The following BAZ2B variants were observed in gnomAD, a reference collection of about 807,000 sequenced individuals.
BAZ2B encodes the protein bromodomain adjacent to zinc finger domain protein 2B.
Under a neutral mutation model 246.0 loss-of-function variants are expected in BAZ2B, and 91 were observed. The ratio of observed to expected loss-of-function variants is 0.37; its 90% CI spans 0.31 to 0.44. BAZ2B has a LOEUF of 0.44. BAZ2B is among the 20% of genes least tolerant of loss of function. The probability of loss-of-function intolerance (pLI) is 1.00; values close to 1 mark genes in which losing one functional copy is unlikely to be tolerated. For synonymous variants in BAZ2B, 855 were observed against 860.0 expected, an observed-to-expected ratio of 0.99 and a Z score of 0.10; for missense variants, 2,332 against 2,533.7, an observed-to-expected ratio of 0.92 and a Z score of 1.71.
rs189530873 is a variant in BAZ2B, at chr2:159,474,194, T to C, written c.145+4381A>G. On this transcript the variant is annotated intron_variant, in intron 3 of 36. Transcript: ENST00000392783. ...CCACTGTTACTGTGTGGGAGTCTAA[T>C]TCTCTTTGCAGGTCTCTAAGAACTT... Among the ~76,000 whole-genome samples, 128 of 152,284 alleles carry C rather than the reference T, an allele frequency of 8.4e-4. 1 individual carries two copies. The highest frequency in any genetic ancestry group is 1.6e-3 in the Non-Finnish European group (108 of 68,000).
At chr2:159,620,106 G>A (rs1696370060), upstream of BAZ2B, among the ~76,000 whole-genome samples, 1 of 152,190 alleles carries the variant, frequency 6.6e-6, no homozygotes, top group African/African-American at 2.4e-5. Context: ...GACAAAGACA[G>A]AACTTCTTAA....
the BAZ2B span, among the ~76,000 whole-genome samples, chr2:159,700,600 C>A: frequency 5.3e-5 from 8 of 152,144 alleles, no homozygotes; most frequent in African/African-American, 1.2e-4. Context: ...TGCGTGCCAC[C>A]ACGCCTGGCT....
chr2:159,345,464 G>T (rs2067628465), intron 31 of BAZ2B, among the ~76,000 whole-genome samples: 1 of 152,058 alleles, frequency 6.6e-6, no homozygotes, highest in Non-Finnish European at 1.5e-5. Context: ...TATCATTTAT[G>T]ATTTTAAAAC....
intron 3 of BAZ2B, among the ~76,000 whole-genome samples, chr2:159,473,153 C>T (rs1012977630): frequency 6.6e-6 from 1 of 152,086 alleles, no homozygotes; most frequent in Non-Finnish European, 1.5e-5. Context: ...GTTACTGGCT[C>T]CTCTTTGTAC....
chr2:159,494,069 C>T (rs1454916076), intron 2 of BAZ2B, among the ~76,000 whole-genome samples: 2 of 152,090 alleles, frequency 1.3e-5, no homozygotes, highest in Non-Finnish European at 2.9e-5. Flanking sequence ...TTTATACTAG[C>T]ACTTGCATTA....
intron 6 of BAZ2B, among the ~76,000 whole-genome samples, chr2:159,446,270 C>T (rs1319381300): frequency 2.0e-5 from 3 of 152,314 alleles, no homozygotes; most frequent in Admixed American, 6.5e-5. Context: ...AAATTGATAA[C>T]TTGCAAAGTT....
At chr2:159,404,935 T>A in intron 15 of BAZ2B, 25 bp from the exon 16 acceptor site, 2 of 1,612,516 alleles carry the variant, frequency 1.2e-6, no homozygotes, top group Non-Finnish European at 1.7e-6. Context: ...AGGATAGATA[T>A]CATCAAAAAG....
chr2:159,577,163 G>A (rs562563130), intron 1 of BAZ2B, among the ~76,000 whole-genome samples: 1 of 152,256 alleles, frequency 6.6e-6, no homozygotes, highest in African/African-American at 2.4e-5. Context: ...AGGGGGTCAA[G>A]GCTGCAGTGA....
chr2:159,446,917 A>G lies in BAZ2B; in HGVS notation c.561T>C (p.Ser187=). ...NTSSVIGINT[S]VLSTTASSSM... ...AACTTGAAGCAGTAGTGGATAGTAC[A>G]GATGTGTTGATACCAATTACAGATG... The change falls in exon 6 of 37, where the codon TCT becomes TCC. Residue 187 remains serine, a synonymous_variant. Transcript: ENST00000392783. The G allele has an allele frequency of 6.2e-7, 1 of 1,609,014 alleles. No individual in the cohort carries two copies. Among genetic ancestry groups the G allele is most frequent in the South Asian group, 1.1e-5 (1 of 89,914 alleles).
intron 27 of BAZ2B, among the ~76,000 whole-genome samples, chr2:159,351,533 A>C (rs1339804214): frequency 6.6e-6 from 1 of 152,144 alleles, no homozygotes; most frequent in Non-Finnish European, 1.5e-5. Context: ...ATATACTGTC[A>C]AACTGTCCTC....
intron 27 of BAZ2B, among the ~76,000 whole-genome samples, chr2:159,359,510 C>T (rs146212966): frequency 0.013 from 1,994 of 152,208 alleles, 48 homozygotes; most frequent in East Asian, 0.069. Flanking sequence ...GATTCACAGC[C>T]GAATTCTACC....
intron 1 of BAZ2B, among the ~76,000 whole-genome samples, chr2:159,593,817 G>A (rs561050536): frequency 1.3e-5 from 2 of 152,078 alleles, no homozygotes; most frequent in Non-Finnish European, 2.9e-5. Context: ...GTATCTCCTC[G>A]GGGACAAGGC....
At chr2:159,680,559 C>T in the BAZ2B span, among the ~76,000 whole-genome samples, 2 of 152,100 alleles carry the variant, frequency 1.3e-5, no homozygotes, top group Non-Finnish European at 1.5e-5. Context: ...GCTGTTACCC[C>T]GGGCACGTTA....
At chr2:159,343,237 C>T (rs982554865) in intron 31 of BAZ2B, among the ~76,000 whole-genome samples, 11 of 152,114 alleles carry the variant, frequency 7.2e-5, no homozygotes, top group African/African-American at 2.2e-4. Context: ...AAACTAGACC[C>T]CCACCTCTTA....
chr2:159,417,324 C>A (rs966272071), intron 13 of BAZ2B, among the ~76,000 whole-genome samples: 1 of 151,994 alleles, frequency 6.6e-6, no homozygotes, highest in African/African-American at 2.4e-5. Context: ...GCGCTTGCCA[C>A]CATACCCGGC....
chr2:159,531,250 G>T (rs1056864285), intron 2 of BAZ2B, among the ~76,000 whole-genome samples: 7 of 152,050 alleles, frequency 4.6e-5, no homozygotes, highest in Non-Finnish European at 1.0e-4. Context: ...TTCCTCATCT[G>T]GAAAATGAGT....
At chr2:159,547,891 C>G (rs2087600533) in intron 2 of BAZ2B, among the ~76,000 whole-genome samples, 1 of 152,058 alleles carries the variant, frequency 6.6e-6, no homozygotes, top group Non-Finnish European at 1.5e-5. Context: ...TTGACTTGTT[C>G]AAAAGAAGCT....
At chr2:159,454,547 T>G (rs1465039652) in intron 3 of BAZ2B, among the ~76,000 whole-genome samples, 1 of 152,138 alleles carries the variant, frequency 6.6e-6, no homozygotes, top group Non-Finnish European at 1.5e-5. Context: ...TAGACATATC[T>G]CAACCTAAGA....
At chr2:159,602,899 G>C (rs1167656451) in intron 1 of BAZ2B, among the ~76,000 whole-genome samples, 3 of 152,226 alleles carry the variant, frequency 2.0e-5, no homozygotes, top group Non-Finnish European at 4.4e-5. Context: ...CACTTTGGAA[G>C]GCTGAGGAGG....
Sources: gnomAD v4.1 joint callset for allele counts (sites outside exome capture counted in the v4.1 genomes callset) on GRCh38, gnomAD v4.1.1 for gene constraint, MANE v1.5 for transcripts, NCBI Gene and HGNC (gene_info 2026-07-23, HGNC 2026-07-21) for gene names.